The following GPHN variants were observed in gnomAD, a reference collection of about 807,000 sequenced individuals.
GPHN encodes gephyrin.
Under a neutral mutation model 95.5 loss-of-function variants are expected in GPHN, and 17 were observed. That is an observed-to-expected ratio of 0.18 (90% CI 0.12 to 0.27). GPHN has a LOEUF of 0.27. GPHN is among the 10% of genes least tolerant of loss of function. The pLI, the probability that GPHN is intolerant of heterozygous loss-of-function variation, is 1.00. For synonymous variants in GPHN, 320 were observed against 322.5 expected (o/e 0.99, Z 0.08); for missense variants, 660 against 978.1 (o/e 0.67, Z 4.34).
chr14:67,727,222 G>A, the GPHN span: 4 of 1,576,506 alleles, frequency 2.5e-6, no homozygotes, highest in African/African-American at 2.7e-5. Context: ...TAGCAAAAAT[G>A]GTCCTCAGAC....
the GPHN span, chr14:67,725,152 A>T: frequency 3.8e-5 from 61 of 1,614,112 alleles, no homozygotes; most frequent in Non-Finnish European, 5.0e-5. Context: ...GTCTGCTGCC[A>T]GTGAAATCCG....
the GPHN span, among the ~76,000 whole-genome samples, chr14:67,536,778 C>T: frequency 1.3e-5 from 2 of 151,870 alleles, no homozygotes; most frequent in Non-Finnish European, 2.9e-5. Context: ...AGTGGTGGCT[C>T]ACGCCTGTAA....
chr14:66,904,787 G>A (rs6573735), intron 5 of GPHN, among the ~76,000 whole-genome samples: 38,121 of 151,978 alleles, frequency 0.25, 9,688 homozygotes, highest in African/African-American at 0.62. Context: ...GGGGTCCTCG[G>A]TAGAAGTTGT....
the GPHN span, among the ~76,000 whole-genome samples, chr14:67,215,546 G>A: frequency 1.3e-5 from 2 of 151,738 alleles, no homozygotes; most frequent in African/African-American, 2.4e-5. Flanking sequence ...GAGAGTGAGA[G>A]TAAAGTAGGA....
chr14:67,284,546 C>CT, the GPHN span, among the ~76,000 whole-genome samples: 1 of 25,090 alleles, frequency 4.0e-5, no homozygotes, highest in Non-Finnish European at 7.7e-5. Flanking sequence ...GGCTGCAGTG[C>CT]TAAAAAAAAA....
chr14:67,305,481 A>G, the GPHN span, among the ~76,000 whole-genome samples: 1 of 152,078 alleles, frequency 6.6e-6, no homozygotes, highest in Non-Finnish European at 1.5e-5. Flanking sequence ...GGCTTTCACT[A>G]TGTTGCCCAG....
chr14:67,722,526 G>A, the GPHN span: 1 of 845,278 alleles, frequency 1.2e-6, no homozygotes, highest in African/African-American at 1.7e-5. Flanking sequence ...AGGACGGAGA[G>A]GAGCAGAGAA....
At chr14:67,299,278 C>A in the GPHN span, among the ~76,000 whole-genome samples, 2 of 152,080 alleles carry the variant, frequency 1.3e-5, no homozygotes, top group African/African-American at 4.8e-5. Context: ...ATTCTGGCTA[C>A]AAGTTCTTTG....
chr14:67,697,791 C>T, the GPHN span, among the ~76,000 whole-genome samples: 2 of 152,182 alleles, frequency 1.3e-5, no homozygotes, highest in African/African-American at 2.4e-5. Context: ...GGGTGTTTTA[C>T]TGTGGGAATT....
intron 9 of GPHN, among the ~76,000 whole-genome samples, chr14:66,989,760 C>G (rs1594746819): frequency 1.3e-5 from 2 of 151,922 alleles, no homozygotes; most frequent in South Asian, 4.2e-4. Flanking sequence ...TTCAGTTTCT[C>G]TCCTTACCCT....
chr14:67,058,081 A>G (rs2075677422), intron 10 of GPHN, among the ~76,000 whole-genome samples: 1 of 152,242 alleles, frequency 6.6e-6, no homozygotes, highest in South Asian at 2.1e-4. Flanking sequence ...AAGAAGCAGA[A>G]GCAGCAATAT....
At chr14:66,771,329 AC>A (rs1227495596) in intron 2 of GPHN, among the ~76,000 whole-genome samples, 1 of 152,148 alleles carries the variant, frequency 6.6e-6, no homozygotes, top group Non-Finnish European at 1.5e-5. Context: ...TATTAAATAT[AC>A]CTTTAATTTT....
chr14:67,438,860 CAAA>C, the GPHN span, among the ~76,000 whole-genome samples: 2,352 of 55,960 alleles, frequency 0.042, 53 homozygotes, highest in African/African-American at 0.11. Flanking sequence ...GACTCCGTCT[CAAA>C]AAAAAAAAAA....
At chr14:66,782,136 G>A (rs747963662) in intron 3 of GPHN, among the ~76,000 whole-genome samples, 2 of 152,046 alleles carry the variant, frequency 1.3e-5, no homozygotes, top group African/African-American at 2.4e-5. Flanking sequence ...AAAATCCTGA[G>A]GGATAATTCT....
intron 2 of GPHN, among the ~76,000 whole-genome samples, chr14:66,720,883 A>T (rs1951357): frequency 2.0e-5 from 3 of 151,922 alleles, no homozygotes; most frequent in African/African-American, 4.8e-5. Context: ...AAACAGAAAA[A>T]CATAACCTAC....
intron 2 of GPHN, among the ~76,000 whole-genome samples, chr14:66,684,185 C>A (rs1374295209): frequency 1.3e-5 from 2 of 152,042 alleles, no homozygotes; most frequent in Non-Finnish European, 2.9e-5. Flanking sequence ...GCTGCTGATA[C>A]TGAAAGGAGT....
rs745808119 is a variant in GPHN, at chr14:66,526,389, G to C, written c.64+17798G>C. ...GCTTAAGGAGATTTTGGGCTGAGAC[G>C]ATGGGGTTTTCTAAATATACAATCA... On this transcript the variant is annotated intron_variant, in intron 1 of 22. Transcript: ENST00000478722. Among the ~76,000 whole-genome samples, 3 of 152,258 alleles carry C rather than the reference G, an allele frequency of 2.0e-5. No individual in the cohort carries two copies. In the East Asian group the frequency reaches 5.8e-4, roughly 29 times the overall value.
chr14:67,016,870 T>C (rs2073342891), intron 9 of GPHN, among the ~76,000 whole-genome samples: 1 of 152,132 alleles, frequency 6.6e-6, no homozygotes, highest in South Asian at 2.1e-4. Flanking sequence ...ATAAAATATA[T>C]GTGACTTAAA....
the GPHN span, chr14:67,582,082 A>T: frequency 1.2e-6 from 2 of 1,611,084 alleles, no homozygotes; most frequent in Non-Finnish European, 1.7e-6. This position sits in a 1 kb window ranked among gnomAD's most constrained non-coding sequence, Gnocchi z 5.0. Flanking sequence ...GTACTTTCGC[A>T]GTCAAGTCAA....
Sources: gnomAD v4.1 joint callset for allele counts (sites outside exome capture counted in the v4.1 genomes callset) on GRCh38, gnomAD v4.1.1 for gene constraint, Gnocchi (gnomAD v3.1) non-coding constraint, MANE v1.5 for transcripts, NCBI Gene and HGNC (gene_info 2026-07-23, HGNC 2026-07-21) for gene names.